Variants in RIMS2 observed in about 807,000 individuals in gnomAD.
RIMS2 encodes regulating synaptic membrane exocytosis protein 2.
In RIMS2, 59 loss-of-function variants were observed where a neutral mutation model predicts 174.4. The ratio of observed to expected loss-of-function variants is 0.34; its 90% CI spans 0.27 to 0.42. The LOEUF is 0.42. Ranked by LOEUF, RIMS2 falls within the 10% of genes least tolerant of loss-of-function variation. The probability of loss-of-function intolerance (pLI) is 1.00; values close to 1 mark genes in which losing one functional copy is unlikely to be tolerated. For missense variants in RIMS2, 1,620 were observed against 1,666.3 expected (o/e 0.97, Z 0.48); for synonymous variants, 606 against 572.5 (o/e 1.06, Z -0.84).
intron 19 of RIMS2, among the ~76,000 whole-genome samples, chr8:104,092,924 G>A (rs1455329740): frequency 6.6e-6 from 1 of 151,868 alleles, no homozygotes; most frequent in Non-Finnish European, 1.5e-5. Flanking sequence ...TTCAATTCCA[G>A]GAAGTTTGAA....
chr8:103,734,202 G>T (rs2097652659), intron 2 of RIMS2, among the ~76,000 whole-genome samples: 1 of 151,026 alleles, frequency 6.6e-6, no homozygotes, highest in South Asian at 2.1e-4. Flanking sequence ...CAGTAGAGAT[G>T]GGGTTTCACC....
chr8:104,063,377 A>G (rs1000737650), intron 19 of RIMS2, among the ~76,000 whole-genome samples: 2 of 152,316 alleles, frequency 1.3e-5, no homozygotes, highest in South Asian at 2.1e-4. Flanking sequence ...AAGACATACA[A>G]TAATCAAAAA....
At chr8:103,766,450 G>A (rs1384004651) in exon 3 of RIMS2, 3 of 1,613,808 alleles carry the variant, frequency 1.9e-6, no homozygotes, top group Non-Finnish European at 2.5e-6. Flanking sequence ...GTGGAGAAAA[G>A]TCGATCTCAT....
intron 4 of RIMS2, among the ~76,000 whole-genome samples, chr8:103,909,519 T>G (rs1211145526): frequency 6.6e-6 from 1 of 152,140 alleles, no homozygotes; most frequent in Non-Finnish European, 1.5e-5. Context: ...AAGTTTATTT[T>G]TACTAATAGA....
At chr8:103,737,341 G>A (rs552597129) in intron 2 of RIMS2, among the ~76,000 whole-genome samples, 1 of 151,780 alleles carries the variant, frequency 6.6e-6, no homozygotes, top group African/African-American at 2.4e-5. Context: ...ATGCCACCAT[G>A]TCTGGCTAAT....
Position 104,185,954 on chromosome 8 carries a change from C to A in RIMS2, c.3335-58962C>A, listed in dbSNP as rs546160541. Among the ~76,000 whole-genome samples the A allele has an allele frequency of 3.5e-3, 530 of 151,456 alleles. 3 individuals carry two copies. The highest frequency in any genetic ancestry group is 0.012 in the African/African-American group (507 of 41,360). On this transcript the variant is annotated intron_variant, in intron 19 of 23. Coordinates refer to ENST00000504942, the Ensembl canonical transcript of RIMS2. ...CATATGTTTATCATGGCACTATTTA[C>A]AGTAGAAAAGATATAGAATCAACCT... is the stretch of plus-strand genomic sequence containing the variant.
At chr8:103,946,094 C>T (rs1481825834) in intron 14 of RIMS2, among the ~76,000 whole-genome samples, 1 of 152,086 alleles carries the variant, frequency 6.6e-6, no homozygotes, top group Non-Finnish European at 1.5e-5. Context: ...TTCTAAAGAA[C>T]CCACACAAAA....
At position 103,608,367 on chromosome 8, in the gene RIMS2, G is replaced by A. The variant is rs1456771199; in HGVS notation, c.177-88719G>A. On this transcript the variant is annotated intron_variant, in intron 1 of 23. Coordinates refer to ENST00000504942, the Ensembl canonical transcript of RIMS2. ...TGCCCGTTCTCAGATCTCCAGCTGC[G>A]TACTGGGAGAACCACTGCTCTCTTC... 4.2e-5 allele frequency among the ~76,000 whole-genome samples: 6 copies of A among 143,590 alleles called. 1 individual carries two copies. Among genetic ancestry groups the A allele is most frequent in the East Asian group, 1.9e-4 (1 of 5,176 alleles). 94.2% of individuals were successfully genotyped at this position (143,590 alleles called of 152,430 possible).
chr8:104,223,559 G>GC, intron 19 of RIMS2: 1 of 1,443,172 alleles, frequency 6.9e-7, no homozygotes, highest in Non-Finnish European at 9.1e-7. Flanking sequence ...CTGGCTTCTG[G>GC]CCCACTGGTC....
chr8:103,777,456 A>AT (rs1317695681), intron 3 of RIMS2, among the ~76,000 whole-genome samples: 1 of 152,044 alleles, frequency 6.6e-6, no homozygotes, highest in Non-Finnish European at 1.5e-5. Flanking sequence ...GAATAAATGA[A>AT]TGAAAGGAGT....
intron 1 of RIMS2, among the ~76,000 whole-genome samples, chr8:103,524,297 C>T (rs1284297863): frequency 6.6e-6 from 1 of 151,848 alleles, no homozygotes; most frequent in Non-Finnish European, 1.5e-5. Flanking sequence ...GGACAAGAAA[C>T]ACAAAAATGA....
chr8:103,808,037 G>A (rs2098661850), intron 3 of RIMS2, among the ~76,000 whole-genome samples: 1 of 152,098 alleles, frequency 6.6e-6, no homozygotes, highest in Non-Finnish European at 1.5e-5. Flanking sequence ...GATGGAAGAG[G>A]CTAAGAAGAT....
At chr8:103,700,036 A>G (rs2097150237) in intron 2 of RIMS2, among the ~76,000 whole-genome samples, 1 of 152,124 alleles carries the variant, frequency 6.6e-6, no homozygotes, top group Non-Finnish European at 1.5e-5. Context: ...AGAAGCATGC[A>G]TATTCTTCTG....
intron 3 of RIMS2, among the ~76,000 whole-genome samples, chr8:103,781,566 AC>A (rs2154433479): frequency 6.6e-6 from 1 of 152,168 alleles, no homozygotes; most frequent in South Asian, 2.1e-4. Flanking sequence ...AAAAGTTACT[AC>A]GCTTATTTTA....
chr8:104,233,288 T>TC (rs2099241272), intron 19 of RIMS2, among the ~76,000 whole-genome samples: 1 of 152,142 alleles, frequency 6.6e-6, no homozygotes, highest in African/African-American at 2.4e-5. Flanking sequence ...CAATGTGTAG[T>TC]CCTCTCATAT....
intron 3 of RIMS2, among the ~76,000 whole-genome samples, chr8:103,830,776 G>T (rs886448179): frequency 2.6e-5 from 4 of 151,490 alleles, no homozygotes; most frequent in Admixed American, 6.6e-5. Flanking sequence ...GTGCCTTAAA[G>T]CTCTGTTACT....
intron 2 of RIMS2, among the ~76,000 whole-genome samples, chr8:103,754,400 A>G (rs1398819259): frequency 1.3e-5 from 2 of 152,162 alleles, no homozygotes; most frequent in African/African-American, 4.8e-5. Flanking sequence ...AAGAATGTAT[A>G]TTCTGTTGAT....
At chr8:103,544,199 C>T (rs1843851953) in intron 1 of RIMS2, among the ~76,000 whole-genome samples, 1 of 152,160 alleles carries the variant, frequency 6.6e-6, no homozygotes, top group Non-Finnish European at 1.5e-5. Context: ...CAGTTAGTTG[C>T]AGACTCCTGT....
chr8:103,776,634 C>A (rs1440115621), intron 3 of RIMS2, among the ~76,000 whole-genome samples: 1 of 151,994 alleles, frequency 6.6e-6, no homozygotes, highest in Non-Finnish European at 1.5e-5. Context: ...CATTTTTACT[C>A]ATGAATGTGT....
Sources: allele counts gnomAD v4.1 joint callset (sites outside exome capture counted in the v4.1 genomes callset), GRCh38; gene constraint gnomAD v4.1.1; transcripts MANE v1.5; gene names NCBI Gene and HGNC (gene_info 2026-07-23, HGNC 2026-07-21).